MGST1: variants seen among roughly 807,000 people sequenced by gnomAD.
MGST1 encodes the protein microsomal glutathione S-transferase 1.
In MGST1, 5 loss-of-function variants were observed where a neutral mutation model predicts 8.9. The observed-to-expected ratio is 0.56, with a 90% CI of 0.29 to 1.19. The LOEUF (loss-of-function observed/expected upper bound fraction) is 1.19, where lower values mean the gene tolerates loss of function less well. Among genes scored for constraint, MGST1 ranks in the 50% most tolerant of loss-of-function variants. The pLI, the probability that MGST1 is intolerant of heterozygous loss-of-function variation, is 0.08. For synonymous variants in MGST1, 54 were observed against 67.8 expected (o/e 0.80, Z 1.00); for missense variants, 182 against 187.4 (o/e 0.97, Z 0.17).
At chr12:16,541,828 A>G (rs916193149) in intron 4 of MGST1, among the ~76,000 whole-genome samples, 5 of 152,306 alleles carry the variant, frequency 3.3e-5, no homozygotes, top group African/African-American at 1.2e-4. Context: ...CAATGTGTCA[A>G]TAAAATTCGT....
intron 4 of MGST1, among the ~76,000 whole-genome samples, chr12:16,452,229 G>C (rs1941134445): frequency 1.3e-5 from 2 of 151,758 alleles, no homozygotes; most frequent in Admixed American, 1.3e-4. Context: ...ACTGATTATG[G>C]CTGATATCTT....
At chr12:16,496,110 T>C (rs1432640252) in intron 4 of MGST1, among the ~76,000 whole-genome samples, 1 of 152,116 alleles carries the variant, frequency 6.6e-6, no homozygotes, top group Non-Finnish European at 1.5e-5. Context: ...CCAAATCAAA[T>C]ATATACTCAC....
At chr12:16,412,171 G>A (rs1477216277) in intron 1 of MGST1, among the ~76,000 whole-genome samples, 3 of 152,108 alleles carry the variant, frequency 2.0e-5, no homozygotes, top group Admixed American at 1.3e-4. Context: ...TTAAGGTCAC[G>A]CTTGAAGTCA....
chr12:16,401,442 A>T lies in MGST1; in HGVS notation n.778+17838A>T, dbSNP rs1847177490. Reference sequence around the variant, plus strand: ...GCTTTTTAGCCACGTCCATGACAGCATTATATACATCACATATCTTCACAC... The same window carrying T: ...GCTTTTTAGCCACGTCCATGACAGCTTTATATACATCACATATCTTCACAC... On this transcript the variant is annotated intron_variant and non_coding_transcript_variant, in intron 1 of 1. Transcript: ENST00000359720. This position sits in a 1 kb window ranked among gnomAD's most constrained non-coding sequence, Gnocchi z 4.3. The T allele has an allele frequency of 1.2e-6, 1 of 845,876 alleles. No individual in the cohort carries two copies. The highest frequency in any genetic ancestry group is 1.3e-5 in the South Asian group (1 of 74,430). 52.4% of individuals were successfully genotyped at this position (845,876 alleles called of 1,614,324 possible). A position where few individuals can be genotyped will look rare whatever the true frequency, so the allele number is the denominator to read the frequency against.
At chr12:16,579,171 T>C (rs1943085541) in intron 4 of MGST1, among the ~76,000 whole-genome samples, 1 of 152,156 alleles carries the variant, frequency 6.6e-6, no homozygotes, top group African/African-American at 2.4e-5. Flanking sequence ...TAGCATTAAA[T>C]TGTATATATA....
chr12:16,571,669 T>G (rs1369946035), intron 4 of MGST1, among the ~76,000 whole-genome samples: 1 of 152,004 alleles, frequency 6.6e-6, no homozygotes, highest in African/African-American at 2.4e-5. Context: ...GGTTTCACAA[T>G]TTCTGTTCTT....
intron 4 of MGST1, among the ~76,000 whole-genome samples, chr12:16,527,555 A>G (rs1941695025): frequency 6.6e-6 from 1 of 152,002 alleles, no homozygotes; most frequent in Admixed American, 6.6e-5. Context: ...TTGGCCATAC[A>G]TAACTGTTTC....
chr12:16,430,613 A>ATT (rs35209608), intron 1 of MGST1, among the ~76,000 whole-genome samples: 20 of 151,158 alleles, frequency 1.3e-4, no homozygotes, highest in South Asian at 4.2e-4. Context: ...TTTGAAAGAA[A>ATT]TTTTTTTTTT....
intron 4 of MGST1, among the ~76,000 whole-genome samples, chr12:16,480,913 A>G (rs1941360306): frequency 6.6e-6 from 1 of 152,322 alleles, no homozygotes; most frequent in East Asian, 1.9e-4. Context: ...ACCAAAACAG[A>G]CAAACAAACA....
chr12:16,517,047 C>G lies in MGST1; in HGVS notation n.483-72481C>G, dbSNP rs77382278. Reference sequence around the variant, plus strand: ...TTTCAGTGGCTACAGTGAGCTGAACCCCCAAGAATATAGACATGAATGAAA... The same window carrying G: ...TTTCAGTGGCTACAGTGAGCTGAACGCCCAAGAATATAGACATGAATGAAA... On this transcript the variant is annotated intron_variant and non_coding_transcript_variant, in intron 4 of 4. Coordinates refer to the MGST1 transcript ENST00000538857. The surrounding 1 kb of genome is among the most constrained non-coding windows in gnomAD (Gnocchi z 4.2). Among the ~76,000 whole-genome samples, 1 of 151,898 alleles carries G rather than the reference C, an allele frequency of 6.6e-6. No homozygotes were observed. Among genetic ancestry groups the G allele is most frequent in the Non-Finnish European group, 1.5e-5 (1 of 67,984 alleles).
intron 4 of MGST1, among the ~76,000 whole-genome samples, chr12:16,535,288 G>C (rs1169539068): frequency 6.6e-6 from 1 of 152,200 alleles, no homozygotes; most frequent in African/African-American, 2.4e-5. Flanking sequence ...CAATGAACAA[G>C]TGGCCTCCGC....
rs762891874 is a variant in MGST1, at chr12:16,399,168, G to A, written n.778+15564G>A. 28 of 1,172,000 alleles carry A rather than the reference G, an allele frequency of 2.4e-5. No homozygotes were observed. In the East Asian group the frequency reaches 5.1e-4, roughly 22 times the overall value. The allele number at this position is 1,172,000 out of a possible 1,614,324, so 72.6% of individuals were successfully genotyped here. A position where few individuals can be genotyped will look rare whatever the true frequency, so the allele number is the denominator to read the frequency against. The stretch of plus-strand genomic sequence containing the variant: ...GCCCCCGAAACCCATAAACACAAAT[G>A]GCAAAACTTCAAATGAAAACAAAAG... On this transcript the variant is annotated intron_variant and non_coding_transcript_variant, in intron 1 of 1. Coordinates refer to the MGST1 transcript ENST00000359720.
In MGST1 at chr12:16,430,670, T is replaced by G. The variant is rs934068787; in HGVS notation, n.779-6718T>G. Among the ~76,000 whole-genome samples, 5 of 152,218 alleles carry G rather than the reference T, an allele frequency of 3.3e-5. No individual in the cohort carries two copies. In the East Asian group the frequency reaches 7.7e-4, roughly 24 times the overall value. ...TGGACTTAAAATATTCAGTTAATAG[T>G]GCTATAAAAAGATGTGCTACCATTC... On this transcript the variant is annotated intron_variant and non_coding_transcript_variant, in intron 1 of 1. Transcript: ENST00000359720.
At chr12:16,561,422 A>T (rs1942400776) in intron 4 of MGST1, among the ~76,000 whole-genome samples, 5 of 152,172 alleles carry the variant, frequency 3.3e-5, no homozygotes, top group Admixed American at 3.3e-4. Flanking sequence ...AAACTAGATG[A>T]AAAACACCAC....
At chr12:16,541,862 C>T (rs1209010348) in intron 4 of MGST1, among the ~76,000 whole-genome samples, 2 of 152,114 alleles carry the variant, frequency 1.3e-5, no homozygotes, top group African/African-American at 2.4e-5. Flanking sequence ...CCAAGTATAT[C>T]AGGCAGGGGT....
chr12:16,476,119 A>G (rs1277081418), intron 4 of MGST1, among the ~76,000 whole-genome samples: 2 of 152,186 alleles, frequency 1.3e-5, no homozygotes, highest in Non-Finnish European at 2.9e-5. Context: ...AGGACAATAA[A>G]AAAAGTGGAA....
chr12:16,480,008 T>G (rs1941353964), intron 4 of MGST1, among the ~76,000 whole-genome samples: 1 of 152,158 alleles, frequency 6.6e-6, no homozygotes, highest in Non-Finnish European at 1.5e-5. Flanking sequence ...CCATAACACT[T>G]CTAGAAGGAA....
chr12:16,454,337 A>G (rs141597559), intron 4 of MGST1, among the ~76,000 whole-genome samples: 1 of 151,962 alleles, frequency 6.6e-6, no homozygotes, highest in African/African-American at 2.4e-5. Flanking sequence ...AAAACTCTGG[A>G]TGCTTCTCAA....
chr12:16,366,933 G>T (rs920197531), downstream of MGST1, among the ~76,000 whole-genome samples: 31 of 151,986 alleles, frequency 2.0e-4, no homozygotes, highest in Admixed American at 1.5e-3. This position sits in a 1 kb window ranked among gnomAD's most constrained non-coding sequence, Gnocchi z 4.0. Flanking sequence ...ATTGGAGAGG[G>T]GTAGATTTTA....
Sources: gnomAD v4.1 joint callset for allele counts (sites outside exome capture counted in the v4.1 genomes callset) on GRCh38, gnomAD v4.1.1 for gene constraint, Gnocchi (gnomAD v3.1) non-coding constraint, MANE v1.5 for transcripts, NCBI Gene and HGNC (gene_info 2026-07-23, HGNC 2026-07-21) for gene names.